Variants in COL11A1 observed in about 807,000 individuals in gnomAD.
COL11A1 encodes collagen alpha-1(XI) chain.
COL11A1 carries 74 observed loss-of-function variants against 265.2 expected under a neutral mutation model. The observed-to-expected ratio is 0.28, with a 90% confidence interval of 0.23 to 0.34. The LOEUF is 0.34. COL11A1 is among the 10% of genes least tolerant of loss of function. The pLI, the probability that COL11A1 is intolerant of heterozygous loss-of-function variation, is 1.00. For missense variants in COL11A1, 2,165 were observed against 2,263.6 expected (o/e 0.96, Z 0.88); for synonymous variants, 816 against 727.6 (o/e 1.12, Z -1.96).
chr1:102,938,611 C>A, intron 44 of COL11A1, among the ~76,000 whole-genome samples: 1 of 151,802 alleles, frequency 6.6e-6, no homozygotes. Flanking sequence ...AATGAACAAC[C>A]AAAATTATAT....
chr1:103,010,113 ACTTCC>A (rs1333338270), intron 14 of COL11A1, among the ~76,000 whole-genome samples: 1 of 152,172 alleles, frequency 6.6e-6, no homozygotes, highest in African/African-American at 2.4e-5. Context: ...GATTTTCTAC[ACTTCC>A]TGAATGTTTT....
At chr1:103,042,037 G>C (rs1051746000) in intron 4 of COL11A1, among the ~76,000 whole-genome samples, 1 of 151,884 alleles carries the variant, frequency 6.6e-6, no homozygotes, top group Non-Finnish European at 1.5e-5. Flanking sequence ...AAATAAGATA[G>C]TAATTATATT....
chr1:102,895,977 AATTG>A (rs1193426493), intron 57 of COL11A1, among the ~76,000 whole-genome samples: 1 of 151,730 alleles, frequency 6.6e-6, no homozygotes, highest in Non-Finnish European at 1.5e-5. Flanking sequence ...AAGAATATAA[AATTG>A]ATTGGTTTTC....
At chr1:102,909,497 A>G (rs1206967675) in intron 54 of COL11A1, among the ~76,000 whole-genome samples, 1 of 152,062 alleles carries the variant, frequency 6.6e-6, no homozygotes, top group Non-Finnish European at 1.5e-5. Flanking sequence ...AAATAACTAA[A>G]TTTTTTTGTA....
chr1:102,915,622 A>G lies in COL11A1; in HGVS notation c.3816+9T>C. On this transcript the variant is annotated intron_variant, in intron 50 of 66. Coordinates refer to ENST00000370096, the MANE Select transcript of COL11A1 (RefSeq NM_001854.4). ...TAATACACTATGTTAACAATAACAC[A>G]GTACTTACGCCTACACCTGCTTCCC... 2.5e-6 allele frequency: 4 copies of G among 1,611,344 alleles called. No homozygotes were observed. The highest frequency in any genetic ancestry group is 2.2e-5 in the East Asian group (1 of 44,832).
intron 3 of COL11A1, among the ~76,000 whole-genome samples, chr1:103,076,699 G>C (rs955451939): frequency 6.6e-5 from 10 of 151,990 alleles, no homozygotes; most frequent in Non-Finnish European, 1.3e-4. Context: ...ATATTAAACT[G>C]TCCTATCTAA....
intron 49 of COL11A1, 72 bp from the exon 50 acceptor site, chr1:102,915,756 T>TCATATTTAGATAAGGG (rs1412936515): frequency 8.3e-6 from 10 of 1,209,112 alleles, no homozygotes; most frequent in Non-Finnish European, 4.8e-6. Context: ...TCAAATGTTA[T>TCATATTTAGATAAGGG]CATATCATTT....
At chr1:103,004,580 T>C in intron 19 of COL11A1, 28 bp downstream of exon 19, 1 of 1,591,926 alleles carries the variant, frequency 6.3e-7, no homozygotes, top group East Asian at 2.3e-5. Flanking sequence ...ATTTTAAATA[T>C]TTCTTAAGAA....
intron 36 of COL11A1, among the ~76,000 whole-genome samples, chr1:102,972,684 A>G (rs1006455063): frequency 3.3e-5 from 5 of 152,142 alleles, no homozygotes; most frequent in African/African-American, 7.2e-5. Flanking sequence ...TCTAGCTGGT[A>G]CAGGACAGAG....
Position 102,978,703 on chromosome 1 carries a change from C to G in COL11A1, c.2754+5G>C. 6.2e-7 allele frequency: 1 copy of G among 1,613,736 alleles called. No individual in the cohort carries two copies. On this transcript the variant is annotated splice_donor_5th_base_variant and intron_variant, in intron 35 of 66. Transcript: ENST00000370096. ...TTTTATATTATGTGGCTGTATCATACGTACTCTTTCACCTGGAGGGCCAGG... is the reference window on the plus strand; with the variant it reads ...TTTTATATTATGTGGCTGTATCATAGGTACTCTTTCACCTGGAGGGCCAGG...
At chr1:102,885,108 A>G (rs1215285982) in intron 63 of COL11A1, among the ~76,000 whole-genome samples, 1 of 152,054 alleles carries the variant, frequency 6.6e-6, no homozygotes, top group African/African-American at 2.4e-5. Flanking sequence ...TTTTTTGTCC[A>G]ATATTATATT....
Position 102,878,656 on chromosome 1 carries a change from A to G in COL11A1, c.5275-491T>C, listed in dbSNP as rs1649845605. Among the ~76,000 whole-genome samples the G allele has an allele frequency of 2.7e-5, 4 of 150,472 alleles. No individual in the cohort carries two copies. In the Admixed American group the frequency reaches 2.7e-4, roughly 10 times the overall value. ...CTCCTGAGTAGCTGGACCTACTGGC[A>G]TGTGCCACCATGCCCAGCTACTTTT... On this transcript the variant is annotated intron_variant, in intron 66 of 66. Coordinates refer to ENST00000370096, the MANE Select transcript of COL11A1 (RefSeq NM_001854.4).
intron 54 of COL11A1, among the ~76,000 whole-genome samples, chr1:102,903,432 C>T (rs1203378440): frequency 6.6e-6 from 1 of 151,410 alleles, no homozygotes; most frequent in Non-Finnish European, 1.5e-5. Context: ...GCTACTTCCG[C>T]CATAAGATAT....
intron 35 of COL11A1, among the ~76,000 whole-genome samples, chr1:102,977,142 T>A (rs1662572449): frequency 1.3e-5 from 2 of 152,126 alleles, no homozygotes; most frequent in Non-Finnish European, 2.9e-5. Flanking sequence ...TTTCCCCAAC[T>A]CATATATTTT....
rs1284649415 is a variant in COL11A1 at position 103,012,402 on chromosome 1, G to A, written c.1629+11C>T. 1 of 1,610,234 alleles carries A rather than the reference G, an allele frequency of 6.2e-7. No homozygotes were observed. Among genetic ancestry groups the A allele is most frequent in the Non-Finnish European group, 8.5e-7 (1 of 1,176,908 alleles). On this transcript the variant is annotated intron_variant, in intron 14 of 66. Coordinates refer to ENST00000370096, the MANE Select transcript of COL11A1 (RefSeq NM_001854.4). Reference sequence around the variant, plus strand: ...ATTTTAACATATATTATCTTTGTTGGGGTAACCTACCACAGGACCTGGTCT... The same window carrying A: ...ATTTTAACATATATTATCTTTGTTGAGGTAACCTACCACAGGACCTGGTCT...
rs1659348330 is a variant in COL11A1, at chr1:102,946,899, G to T, written c.3226C>A (p.Arg1076Ser). ...CCAGGAGGACCCTGAGGTCCCGGGC[G>T]CCCTGGTAAACCAATTGGGCCAGCT... ...GTAGPIGLPG[R>S]PGPQGPPGPA... Residue 1076 changes from arginine to serine, a missense_variant, in exon 42 of 67, where the codon CGC becomes AGC. Transcript: ENST00000370096. The T allele has an allele frequency of 6.2e-7, 1 of 1,613,572 alleles. No individual in the cohort carries two copies. Among genetic ancestry groups the T allele is most frequent in the African/African-American group, 1.3e-5 (1 of 75,012 alleles).
intron 37 of COL11A1, among the ~76,000 whole-genome samples, chr1:102,969,265 C>T (rs572930516): frequency 1.8e-4 from 28 of 152,222 alleles, no homozygotes; most frequent in African/African-American, 5.3e-4. Flanking sequence ...ATTGTTTCCT[C>T]CATAGCAGAA....
chr1:102,985,324 A>G (rs929060894), intron 30 of COL11A1, among the ~76,000 whole-genome samples: 1 of 152,106 alleles, frequency 6.6e-6, no homozygotes, highest in Non-Finnish European at 1.5e-5. Context: ...AATTAAGAAC[A>G]TGGTTTATGA....
At chr1:102,889,127 T>C (rs1056025135) in intron 59 of COL11A1, among the ~76,000 whole-genome samples, 4 of 152,168 alleles carry the variant, frequency 2.6e-5, no homozygotes, top group Non-Finnish European at 5.9e-5. Flanking sequence ...TGCTACAATA[T>C]CAATGAGGTT....
Sources: allele counts gnomAD v4.1 joint callset (sites outside exome capture counted in the v4.1 genomes callset), GRCh38; gene constraint gnomAD v4.1.1; transcripts MANE v1.5; gene names NCBI Gene and HGNC (gene_info 2026-07-23, HGNC 2026-07-21).